The following ADGRE3 variants were observed in gnomAD, a reference collection of about 807,000 sequenced individuals.
The protein encoded by ADGRE3 is EGF-like module receptor 3.
Under a neutral mutation model 80.1 loss-of-function variants are expected in ADGRE3, and 88 were observed. The observed-to-expected ratio is 1.10, with a 90% confidence interval of 0.93 to 1.31. ADGRE3 has a LOEUF of 1.31. ADGRE3 is among the 40% of genes most tolerant of loss of function. ADGRE3 has a pLI of 0.00. For synonymous variants in ADGRE3, 281 were observed against 294.8 expected (o/e 0.95, Z 0.48); for missense variants, 715 against 776.5 (o/e 0.92, Z 0.94).
chr19:14,619,615 A>C, intron 15 of ADGRE3, 144 bp from the exon 16 acceptor site: 1 of 655,050 alleles, frequency 1.5e-6, no homozygotes, highest in Non-Finnish European at 2.7e-6. Context: ...TAGCATTTAA[A>C]AATCCTAGGG....
chr19:14,611,729 C>T, the ADGRE3 span, among the ~76,000 whole-genome samples: 5 of 152,114 alleles, frequency 3.3e-5, no homozygotes, highest in Non-Finnish European at 7.4e-5. Flanking sequence ...TTGCCAGGCA[C>T]AGTGGCTCAC....
rs1412728929 is a variant in ADGRE3 at position 14,651,087 on chromosome 19, T to C, written c.695A>G (p.Gln232Arg). The C allele has an allele frequency of 6.2e-7, 1 of 1,613,920 alleles. No individual in the cohort carries two copies. The highest frequency in any genetic ancestry group is 1.3e-5 in the African/African-American group (1 of 74,914). ...RCSDIIQGDTQGPSAIAFISY... is the reference protein window; with the variant it reads ...RCSDIIQGDTRGPSAIAFISY... ...CTGAATGCAGCCATCAGGCATACCT[T>C]GTGTGTCTCCCTGGATGATGTCACT... The change falls in exon 7 of 16, where the codon CAA becomes CGA. Residue 232 changes from glutamine (Q) to arginine (R), a missense_variant and splice_region_variant. Coordinates refer to ENST00000253673, the MANE Select transcript of ADGRE3 (RefSeq NM_032571.5).
the ADGRE3 span, among the ~76,000 whole-genome samples, chr19:14,608,628 ATT>A: frequency 4.1e-3 from 491 of 119,666 alleles, 4 homozygotes; most frequent in African/African-American, 0.014. Context: ...ATGAGGAAGA[ATT>A]TTTTTTTTTT....
chr19:14,613,205 C>G, the ADGRE3 span, among the ~76,000 whole-genome samples: 1 of 151,114 alleles, frequency 6.6e-6, no homozygotes, highest in African/African-American at 2.4e-5. Context: ...AGATTACAGG[C>G]GTGAGCCACC....
chr19:14,665,394 A>G (rs1972063867), intron 2 of ADGRE3, among the ~76,000 whole-genome samples: 2 of 152,070 alleles, frequency 1.3e-5, no homozygotes, highest in Non-Finnish European at 2.9e-5. Flanking sequence ...GCATTGCAGT[A>G]TTCCATCCCG....
the ADGRE3 span, among the ~76,000 whole-genome samples, chr19:14,605,323 T>C: frequency 6.6e-6 from 1 of 151,750 alleles, no homozygotes; most frequent in African/African-American, 2.4e-5. Flanking sequence ...CTCGAACTCC[T>C]GACCTCAGGT....
chr19:14,658,715 T>C lies in ADGRE3; in HGVS notation c.356-165A>G, dbSNP rs144838436. Among the ~76,000 whole-genome samples, 641 of 152,026 alleles carry C rather than the reference T, an allele frequency of 4.2e-3. 10 individuals carry two copies. The highest frequency in any genetic ancestry group is 0.015 in the African/African-American group (618 of 41,506). On this transcript the variant is annotated intron_variant, in intron 4 of 15. Transcript: ENST00000253673. ...TTGTTGATTTTTAAAAAATTTTAAA[T>C]TTTATTTAAAAAATTTTTTATTTTT...
intron 15 of ADGRE3, among the ~76,000 whole-genome samples, chr19:14,624,096 CT>C (rs760687394): frequency 0.097 from 13,497 of 139,760 alleles, 602 homozygotes; most frequent in African/African-American, 0.12. Context: ...ACCTGGCTTC[CT>C]TTTTTTTTTT....
At chr19:14,668,180 C>G (rs537981587) in intron 2 of ADGRE3, among the ~76,000 whole-genome samples, 109 of 151,924 alleles carry the variant, frequency 7.2e-4, no homozygotes, top group Middle Eastern at 6.8e-3. Context: ...GAACCCAGGA[C>G]GTGGAGGTTG....
intron 4 of ADGRE3, 149 bp downstream of exon 4, chr19:14,661,814 C>G (rs935794651): frequency 2.7e-6 from 2 of 728,380 alleles, no homozygotes; most frequent in African/African-American, 1.8e-5. Flanking sequence ...ACAGGAGAAT[C>G]GCTTGAGCCC....
chr19:14,604,664 GA>G, the ADGRE3 span, among the ~76,000 whole-genome samples: 16 of 151,910 alleles, frequency 1.1e-4, no homozygotes, highest in Admixed American at 7.9e-4. Flanking sequence ...TCAGGAGGCT[GA>G]GGCAGGAAAA....
chr19:14,664,166 G>A (rs909392873), intron 2 of ADGRE3, among the ~76,000 whole-genome samples: 1 of 152,148 alleles, frequency 6.6e-6, no homozygotes, highest in Admixed American at 6.5e-5. Context: ...AGCCGGGTGT[G>A]GTGGCAGGTG....
intron 11 of ADGRE3, among the ~76,000 whole-genome samples, chr19:14,636,398 G>A (rs1030972820): frequency 6.6e-5 from 10 of 150,976 alleles, no homozygotes; most frequent in African/African-American, 2.4e-4. Flanking sequence ...AGTAGAGATG[G>A]GTTTTCACAT....
chr19:14,615,845 G>C (rs1841738004), downstream of ADGRE3, among the ~76,000 whole-genome samples: 1 of 151,630 alleles, frequency 6.6e-6, no homozygotes, highest in Admixed American at 6.6e-5. Context: ...CTGCAACATT[G>C]AACTCCTGGG....
rs554248680 is a variant in ADGRE3 at position 14,668,845 on chromosome 19, G to A, written c.33C>T (p.Cys11=). Reference sequence around the variant, plus strand: ...CAGCTCCAAAGAGGCTCAGCAGAAAGCAGAGGCCTGGAATAGATGGGAAAC... The same window carrying A: ...CAGCTCCAAAGAGGCTCAGCAGAAAACAGAGGCCTGGAATAGATGGGAAAC... The part of the protein sequence containing the change: MQGPLLLPGL[C]FLLSLFGAVT... The change falls in exon 2 of 16, where the codon TGC becomes TGT. Residue 11 remains cysteine (C), a synonymous_variant. Coordinates refer to ENST00000253673, the MANE Select transcript of ADGRE3 (RefSeq NM_032571.5). 1.2e-6 allele frequency: 2 copies of A among 1,614,104 alleles called. No homozygotes were observed. The highest frequency in any genetic ancestry group is 3.3e-5 in the Admixed American group (2 of 60,018).
chr19:14,604,290 AC>A, the ADGRE3 span, among the ~76,000 whole-genome samples: 1 of 152,076 alleles, frequency 6.6e-6, no homozygotes, highest in Non-Finnish European at 1.5e-5. Context: ...GAAATGAGAT[AC>A]CAGATTCTTC....
chr19:14,645,638 G>A (rs918631281), intron 8 of ADGRE3, among the ~76,000 whole-genome samples: 2 of 151,096 alleles, frequency 1.3e-5, no homozygotes, highest in East Asian at 1.9e-4. Flanking sequence ...CAGCCTGGGC[G>A]ACAGAGACTC....
At chr19:14,635,157 C>T (rs574940597) in intron 11 of ADGRE3, among the ~76,000 whole-genome samples, 20 of 152,236 alleles carry the variant, frequency 1.3e-4, no homozygotes, top group Admixed American at 1.0e-3. Flanking sequence ...GGTGCAGTTG[C>T]TCTATCACAA....
At chr19:14,674,632 G>A in intron 1 of ADGRE3, 114 bp downstream of exon 1, 1 of 1,058,008 alleles carries the variant, frequency 9.5e-7, no homozygotes, top group Non-Finnish European at 1.4e-6. Context: ...AAAGGGAAAA[G>A]GTGAGAGTGT....
Sources: allele counts gnomAD v4.1 joint callset (sites outside exome capture counted in the v4.1 genomes callset), GRCh38; gene constraint gnomAD v4.1.1; transcripts MANE v1.5; gene names NCBI Gene and HGNC (gene_info 2026-07-23, HGNC 2026-07-21).